TRERF1: variants seen among roughly 807,000 people sequenced by gnomAD.
TRERF1 encodes transcriptional regulating factor 1.
TRERF1 carries 27 observed loss-of-function variants against 122.9 expected under a neutral mutation model. The ratio of observed to expected loss-of-function variants is 0.22; its 90% CI spans 0.16 to 0.30. TRERF1 has a LOEUF of 0.30. TRERF1 is among the 10% of genes least tolerant of loss of function. The pLI is 1.00. For missense variants in TRERF1, 1,248 were observed against 1,560.3 expected (o/e 0.80, Z 3.37); for synonymous variants, 636 against 641.7 (o/e 0.99, Z 0.13).
At chr6:42,244,069 T>C (rs1774298309) in intron 14 of TRERF1, among the ~76,000 whole-genome samples, 1 of 151,406 alleles carries the variant, frequency 6.6e-6, no homozygotes, top group South Asian at 2.1e-4. Context: ...TTAGTAGAGA[T>C]GGGGTTTCAC....
chr6:42,365,001 G>C (rs1297596304), intron 2 of TRERF1, among the ~76,000 whole-genome samples: 2 of 152,170 alleles, frequency 1.3e-5, no homozygotes, highest in African/African-American at 4.8e-5. Context: ...GTGGGAACGA[G>C]CCCAGATGCA....
rs570827737 is a variant in TRERF1, at chr6:42,421,746, C to G, written c.-454+29431G>C. Among the ~76,000 whole-genome samples, 3 of 151,930 alleles carry G rather than the reference C, an allele frequency of 2.0e-5. No homozygotes were observed. The East Asian group carries it at 5.8e-4, about 29-fold the overall frequency. On this transcript the variant is annotated intron_variant, in intron 2 of 17. Transcript: ENST00000372922. ...CTGAGATCGTGCAGTTACACTCCAG[C>G]CTGGGCGACAGAGCAATGCTGTCTC...
intron 2 of TRERF1, among the ~76,000 whole-genome samples, chr6:42,443,767 T>C (rs529094805): frequency 1.3e-5 from 2 of 152,262 alleles, no homozygotes; most frequent in East Asian, 1.9e-4. Context: ...AAACCCCAAA[T>C]AGAAGGCAGC....
At position 42,294,789 on chromosome 6, in the gene TRERF1, T is replaced by C. The variant is rs114169915; in HGVS notation, c.-259+5849A>G. Among the ~76,000 whole-genome samples the C allele has an allele frequency of 6.8e-3, 1,040 of 152,294 alleles. 3 individuals carry two copies. Among genetic ancestry groups the C allele is most frequent in the Non-Finnish European group, 0.011 (756 of 68,024 alleles). ...CTCCGTCTGCATCTAGGACAATCCA[T>C]TGTTGCAATGTACAGAGCTAGCTGA... On this transcript the variant is annotated intron_variant, in intron 4 of 17. Coordinates refer to ENST00000372922, the Ensembl canonical transcript of TRERF1.
At chr6:42,249,522 T>C (rs778141656) in intron 13 of TRERF1, among the ~76,000 whole-genome samples, 14 of 152,316 alleles carry the variant, frequency 9.2e-5, no homozygotes, top group Non-Finnish European at 1.9e-4. Context: ...CCAAACCTCG[T>C]GGGGGAAGGA....
chr6:42,325,269 G>A (rs924576924), intron 3 of TRERF1, among the ~76,000 whole-genome samples: 4 of 152,186 alleles, frequency 2.6e-5, no homozygotes, highest in East Asian at 1.9e-4. Flanking sequence ...ATGTTAGCGC[G>A]GCTGTGGGGA....
chr6:42,344,581 C>T (rs1407597309), intron 3 of TRERF1, among the ~76,000 whole-genome samples: 1 of 152,080 alleles, frequency 6.6e-6, no homozygotes, highest in Non-Finnish European at 1.5e-5. Context: ...TGCTCAAGCC[C>T]GGGCCATCTT....
intron 3 of TRERF1, among the ~76,000 whole-genome samples, chr6:42,311,674 G>A (rs1460003203): frequency 6.6e-5 from 10 of 150,866 alleles, no homozygotes; most frequent in African/African-American, 2.2e-4. Flanking sequence ...GCTGAGACAG[G>A]AGAATGGCGT....
chr6:42,292,969 T>C (rs1784543831), intron 4 of TRERF1, among the ~76,000 whole-genome samples: 1 of 152,240 alleles, frequency 6.6e-6, no homozygotes, highest in Non-Finnish European at 1.5e-5. Context: ...TATATACCAT[T>C]TCCTTACTTT....
At position 42,412,022 on chromosome 6, in the gene TRERF1, C is replaced by A. The variant is rs1186444402; in HGVS notation, c.-454+39155G>T. Reference sequence around the variant, plus strand: ...ATCCTTTTTTTTTTTTTTTTTGAGACGGAGTTTTGCTCTTGTTGCCCAGGC... The same window carrying A: ...ATCCTTTTTTTTTTTTTTTTTGAGAAGGAGTTTTGCTCTTGTTGCCCAGGC... On this transcript the variant is annotated intron_variant, in intron 2 of 17. Coordinates refer to ENST00000372922, the Ensembl canonical transcript of TRERF1. 7.4e-5 allele frequency among the ~76,000 whole-genome samples: 7 copies of A among 94,944 alleles called. No individual in the cohort carries two copies. In the Admixed American group the frequency reaches 1.0e-3, roughly 14 times the overall value. The allele number at this position is 94,944 out of a possible 152,430, so 62.3% of individuals were successfully genotyped here.
exon 18 of TRERF1, chr6:42,225,298 C>T (rs1769374278): frequency 6.8e-6 from 1 of 147,600 alleles, no homozygotes; most frequent in South Asian, 2.1e-4. Context: ...TTAAATATAA[C>T]TTTGCTTTCA....
chr6:42,328,889 C>A (rs1460661432), intron 3 of TRERF1, among the ~76,000 whole-genome samples: 1 of 152,104 alleles, frequency 6.6e-6, no homozygotes, highest in African/African-American at 2.4e-5. Context: ...GAGAAATTTA[C>A]CAGCATCCAC....
chr6:42,314,040 C>G lies in TRERF1; in HGVS notation c.-370-13291G>C, dbSNP rs117748758. ...ACAGGGAACAGCTGGAGGTGCGGCCCTAAAGGGTTTTTTTTTTGTGCTTAT... is the reference window on the plus strand; with the variant it reads ...ACAGGGAACAGCTGGAGGTGCGGCCGTAAAGGGTTTTTTTTTTGTGCTTAT... On this transcript the variant is annotated intron_variant, in intron 3 of 17. Coordinates refer to ENST00000372922, the Ensembl canonical transcript of TRERF1. Among the ~76,000 whole-genome samples, 506 of 152,018 alleles carry G rather than the reference C, an allele frequency of 3.3e-3. 5 individuals are homozygous for G. The highest frequency in any genetic ancestry group is 0.019 in the East Asian group (96 of 5,174).
rs781703881 is a variant in TRERF1, at chr6:42,232,661, C to T, written c.3278+20G>A. 1 of 1,566,496 alleles carries T rather than the reference C, an allele frequency of 6.4e-7. No individual in the cohort carries two copies. Among genetic ancestry groups the T allele is most frequent in the Non-Finnish European group, 8.7e-7 (1 of 1,148,786 alleles). ...TACCCATCATGAACTCAGATTCAGT[C>T]CCCGGTCCCCTGCACCTACTTGCCA... On this transcript the variant is annotated intron_variant, in intron 17 of 17. Coordinates refer to ENST00000372922, the Ensembl canonical transcript of TRERF1. The surrounding 1 kb of genome is among the most constrained non-coding windows in gnomAD (Gnocchi z 4.5).
intron 9 of TRERF1, among the ~76,000 whole-genome samples, chr6:42,258,718 G>A (rs1777218929): frequency 6.6e-6 from 1 of 152,060 alleles, no homozygotes; most frequent in Non-Finnish European, 1.5e-5. Flanking sequence ...GGAACTACAG[G>A]TGCCTGCTAC....
chr6:42,400,154 C>T lies in TRERF1; in HGVS notation c.-453-37075G>A, dbSNP rs546741349. Among the ~76,000 whole-genome samples the T allele has an allele frequency of 2.0e-5, 3 of 152,334 alleles. No homozygotes were observed. The South Asian group carries it at 6.2e-4, about 32-fold the overall frequency. On this transcript the variant is annotated intron_variant, in intron 2 of 17. Coordinates refer to ENST00000372922, the Ensembl canonical transcript of TRERF1. ...CAAAGAGGAGTCACAGGACCTGCATCTTTTGTGTGGAGAAAAATACTCCTG... is the reference window on the plus strand; with the variant it reads ...CAAAGAGGAGTCACAGGACCTGCATTTTTTGTGTGGAGAAAAATACTCCTG...
At position 42,270,071 on chromosome 6, in the gene TRERF1, A is replaced by G. The variant is rs1020089993; in HGVS notation, c.-258-223T>C. On this transcript the variant is annotated intron_variant, in intron 4 of 17. Transcript: ENST00000372922. ...TGTGGTGGCATGCGCCTGTAGTCCCAGCTGCTCAGGAGGCTGAGGAAGGAG... is the reference window on the plus strand; with the variant it reads ...TGTGGTGGCATGCGCCTGTAGTCCCGGCTGCTCAGGAGGCTGAGGAAGGAG... 3.9e-5 allele frequency among the ~76,000 whole-genome samples: 6 copies of G among 152,332 alleles called. No homozygotes were observed. In the East Asian group the frequency reaches 1.2e-3, roughly 29 times the overall value.
intron 13 of TRERF1, among the ~76,000 whole-genome samples, chr6:42,247,982 C>T (rs751511365): frequency 1.3e-5 from 2 of 152,166 alleles, no homozygotes; most frequent in Non-Finnish European, 2.9e-5. Context: ...AATATCTTTC[C>T]TCCCATTCCG....
chr6:42,321,853 T>C (rs1763516258), intron 3 of TRERF1, among the ~76,000 whole-genome samples: 2 of 152,244 alleles, frequency 1.3e-5, no homozygotes, highest in Non-Finnish European at 2.9e-5. Context: ...AACAAGTATG[T>C]CCAATGGTGG....
Sources: gnomAD v4.1 joint callset for allele counts (sites outside exome capture counted in the v4.1 genomes callset) on GRCh38, gnomAD v4.1.1 for gene constraint, Gnocchi (gnomAD v3.1) non-coding constraint, MANE v1.5 for transcripts, NCBI Gene and HGNC (gene_info 2026-07-23, HGNC 2026-07-21) for gene names.